Variants in TDRD3 observed in about 807,000 individuals in gnomAD.
The protein encoded by TDRD3 is tudor domain-containing protein 3.
Under a neutral mutation model 86.7 loss-of-function variants are expected in TDRD3, and 45 were observed. That is an observed-to-expected ratio of 0.52 (90% CI 0.41 to 0.67). The LOEUF is 0.67. Ranked by LOEUF, TDRD3 falls within the 30% of genes least tolerant of loss-of-function variation. The probability of loss-of-function intolerance (pLI) is 0.00; values close to 1 mark genes in which losing one functional copy is unlikely to be tolerated. For synonymous variants in TDRD3, 298 were observed against 301.7 expected (o/e 0.99, Z 0.13); for missense variants, 814 against 889.0 (o/e 0.92, Z 1.07).
At chr13:60,501,784 C>T (rs1027404840) in intron 8 of TDRD3, among the ~76,000 whole-genome samples, 2 of 152,202 alleles carry the variant, frequency 1.3e-5, no homozygotes, top group South Asian at 4.1e-4. Context: ...AAGATCCTTT[C>T]TTATATAAAA....
intron 1 of TDRD3, among the ~76,000 whole-genome samples, chr13:60,417,736 G>A (rs1954560368): frequency 6.6e-6 from 1 of 152,150 alleles, no homozygotes; most frequent in Middle Eastern, 3.4e-3. Context: ...TGCACAATTC[G>A]AACTAGGTAT....
intron 1 of TDRD3, among the ~76,000 whole-genome samples, chr13:60,417,210 T>G (rs1289626047): frequency 6.6e-6 from 1 of 151,978 alleles, no homozygotes; most frequent in Non-Finnish European, 1.5e-5. Context: ...AGATGGGCTC[T>G]TGCTATGTTG....
At chr13:60,405,318 T>C (rs1954208752) in intron 1 of TDRD3, among the ~76,000 whole-genome samples, 1 of 152,130 alleles carries the variant, frequency 6.6e-6, no homozygotes, top group Non-Finnish European at 1.5e-5. Context: ...TTTCTTAGTA[T>C]AGTCAGATAT....
intron 13 of TDRD3, among the ~76,000 whole-genome samples, chr13:60,568,995 G>A (rs1048868454): frequency 3.3e-5 from 5 of 151,886 alleles, no homozygotes; most frequent in African/African-American, 1.2e-4. Context: ...TTGAGACAGA[G>A]TCTGGCTCTG....
chr13:60,526,233 A>G (rs1218096986), intron 10 of TDRD3, among the ~76,000 whole-genome samples: 1 of 152,206 alleles, frequency 6.6e-6, no homozygotes, highest in Non-Finnish European at 1.5e-5. Flanking sequence ...AATGTACTAT[A>G]CAAGGGACCT....
At chr13:60,399,827 G>A (rs1594886323) in intron 1 of TDRD3, among the ~76,000 whole-genome samples, 1 of 152,322 alleles carries the variant, frequency 6.6e-6, no homozygotes, top group East Asian at 1.9e-4. Flanking sequence ...AATATTTAGT[G>A]CTGAAAAGTT....
intron 1 of TDRD3, among the ~76,000 whole-genome samples, chr13:60,435,918 G>GTTTTTTTTTTTTTTT (rs767705603): frequency 3.2e-5 from 4 of 124,794 alleles, no homozygotes; most frequent in Admixed American, 8.2e-5. Context: ...AACATCTATG[G>GTTTTTTTTTTTTTTT]TTTTTTTTTT....
chr13:60,491,198 A>G (rs1442306928), intron 7 of TDRD3, among the ~76,000 whole-genome samples: 2 of 152,178 alleles, frequency 1.3e-5, no homozygotes, highest in East Asian at 3.9e-4. Flanking sequence ...TTGCCTTGAA[A>G]TGAAGAAGTG....
chr13:60,453,392 C>G (rs1955592304), intron 3 of TDRD3, among the ~76,000 whole-genome samples: 1 of 152,184 alleles, frequency 6.6e-6, no homozygotes, highest in East Asian at 1.9e-4. Context: ...GGTTACCAAT[C>G]AATACATATA....
intron 5 of TDRD3, among the ~76,000 whole-genome samples, chr13:60,479,169 C>T (rs1040845836): frequency 6.6e-6 from 1 of 152,200 alleles, no homozygotes; most frequent in Admixed American, 6.6e-5. Context: ...CCTCTTATCA[C>T]TGCTTTAGCA....
intron 1 of TDRD3, among the ~76,000 whole-genome samples, chr13:60,400,724 C>A (rs1364922296): frequency 6.8e-6 from 1 of 146,428 alleles, no homozygotes; most frequent in African/African-American, 2.6e-5. Context: ...GGCGACAGAG[C>A]GAGACTGTGT....
chr13:60,511,373 A>C (rs769134887), intron 10 of TDRD3, among the ~76,000 whole-genome samples: 8 of 152,238 alleles, frequency 5.3e-5, no homozygotes, highest in Non-Finnish European at 1.2e-4. Flanking sequence ...AAGCTCAGAG[A>C]TAAAATGCTT....
chr13:60,545,887 G>C (rs1233009837), intron 12 of TDRD3, among the ~76,000 whole-genome samples: 1 of 151,860 alleles, frequency 6.6e-6, no homozygotes, highest in Non-Finnish European at 1.5e-5. Flanking sequence ...TTCTTCCTCT[G>C]TTTCTCTCTT....
At chr13:60,408,393 G>A (rs573911044) in intron 1 of TDRD3, among the ~76,000 whole-genome samples, 1 of 152,218 alleles carries the variant, frequency 6.6e-6, no homozygotes, top group Admixed American at 6.5e-5. Flanking sequence ...TGGGTAACAG[G>A]CAGAGGTTGG....
intron 10 of TDRD3, among the ~76,000 whole-genome samples, chr13:60,527,376 A>G (rs1957465223): frequency 6.6e-6 from 1 of 152,158 alleles, no homozygotes; most frequent in African/African-American, 2.4e-5. Flanking sequence ...TTTCCTTGCA[A>G]CAGAGGGAAC....
At chr13:60,560,431 A>G (rs1465653832) in intron 12 of TDRD3, among the ~76,000 whole-genome samples, 1 of 152,170 alleles carries the variant, frequency 6.6e-6, no homozygotes, top group African/African-American at 2.4e-5. Context: ...CTTCTCTCCT[A>G]CTGTCTTTTT....
At chr13:60,524,439 G>A (rs1424893369) in intron 10 of TDRD3, among the ~76,000 whole-genome samples, 1 of 151,564 alleles carries the variant, frequency 6.6e-6, no homozygotes, top group African/African-American at 2.4e-5. Flanking sequence ...CCCGGGAGGC[G>A]GAGGTTGCAC....
Position 60,400,368 on chromosome 13 carries a change from CT to C in TDRD3, c.41+2965del, listed in dbSNP as rs1046522042. On this transcript the variant is annotated intron_variant, in intron 1 of 13. Coordinates refer to ENST00000377881, the MANE Select transcript of TDRD3 (RefSeq NM_001146070.2). ...ATCTCTGGACATTTTGAATTTTTCT[CT>C]TCCATCTCCTCCTTTGTTTGTTTGT... is the stretch of plus-strand genomic sequence containing the variant. Among the ~76,000 whole-genome samples the C allele has an allele frequency of 3.3e-4, 50 of 152,266 alleles. 1 individual carries two copies. Among genetic ancestry groups the C allele is most frequent in the African/African-American group, 1.2e-3 (49 of 41,568 alleles).
Position 60,528,724 on chromosome 13 carries a change from A to G in TDRD3, c.1499A>G (p.Asp500Gly), listed in dbSNP as rs762571796. The G allele has an allele frequency of 5.0e-6, 8 of 1,612,040 alleles. No homozygotes were observed. In the Admixed American group the frequency reaches 1.3e-4, roughly 27 times the overall value. Residue 500 changes from aspartate (D) to glycine (G), a missense_variant, in exon 11 of 14, where the codon GAT becomes GGT. By Grantham distance (94) the Asp-to-Gly change is moderately conservative. Coordinates refer to ENST00000377881, the MANE Select transcript of TDRD3 (RefSeq NM_001146070.2). ...AGTGATGGTGCTTTTAAAAAAAGAG[A>G]TAACTCTATGCAAAGCAGATCAGGA... ...QHSDGAFKKR[D>G]NSMQSRSGKG...
Sources: allele counts gnomAD v4.1 joint callset (sites outside exome capture counted in the v4.1 genomes callset), GRCh38; gene constraint gnomAD v4.1.1; transcripts MANE v1.5; gene names NCBI Gene and HGNC (gene_info 2026-07-23, HGNC 2026-07-21).